Variants in CACNA1A observed in about 807,000 individuals in gnomAD.
CACNA1A encodes the protein voltage-dependent P/Q-type calcium channel subunit alpha-1A.
CACNA1A carries 57 observed loss-of-function variants against 262.4 expected under a neutral mutation model. The ratio of observed to expected loss-of-function variants is 0.22; its 90% CI spans 0.18 to 0.27. The LOEUF is 0.27. Among genes scored for constraint, CACNA1A ranks in the 10% least tolerant of loss-of-function variants. The probability of loss-of-function intolerance (pLI) is 1.00; values close to 1 mark genes in which losing one functional copy is unlikely to be tolerated. For missense variants in CACNA1A, 2,526 were observed against 3,562.8 expected (o/e 0.71, Z 7.41); for synonymous variants, 1,431 against 1,419.3 (o/e 1.01, Z -0.18).
intron 3 of CACNA1A, among the ~76,000 whole-genome samples, chr19:13,442,037 A>G (rs991856000): frequency 6.6e-6 from 1 of 152,134 alleles, no homozygotes; most frequent in Non-Finnish European, 1.5e-5. Context: ...GGAAGAGAAC[A>G]TTTTAGCACA....
chr19:13,322,850 C>G (rs890069889), intron 10 of CACNA1A, among the ~76,000 whole-genome samples: 21 of 152,168 alleles, frequency 1.4e-4, no homozygotes, highest in Non-Finnish European at 2.9e-4. Flanking sequence ...GGATTTAGGA[C>G]CCACCCTAAT....
intron 40 of CACNA1A, among the ~76,000 whole-genome samples, chr19:13,213,030 G>A (rs1464937669): frequency 6.6e-6 from 1 of 152,066 alleles, no homozygotes; most frequent in Non-Finnish European, 1.5e-5. Flanking sequence ...GCCACCAGAG[G>A]GCGCCCATGA....
rs374686479 is a variant in CACNA1A at position 13,308,194 on chromosome 19, G to A, written c.1839C>T (p.Ile613=). ...GGAAAAGGAGAAACAACAGGCTGAT[G>A]ATGGACTTCATGGAGTTGAGGAGAG... ...VVSLLNSMKS[I]ISLLFLLFLF... The change falls in exon 14 of 47, where the codon ATC becomes ATT. Residue 613 remains isoleucine, a synonymous_variant. Coordinates refer to ENST00000360228, the MANE Select transcript of CACNA1A (RefSeq NM_001127222.2). This position sits in a 1 kb window ranked among gnomAD's most constrained non-coding sequence, Gnocchi z 4.2. The A allele has an allele frequency of 2.5e-6, 4 of 1,613,822 alleles. No homozygotes were observed. The African/African-American group carries it at 5.3e-5, about 22-fold the overall frequency.
intron 26 of CACNA1A, 73 bp downstream of exon 26, chr19:13,261,377 C>T (rs1304784817): frequency 7.5e-7 from 1 of 1,341,398 alleles, no homozygotes; most frequent in African/African-American, 1.5e-5. Context: ...CCCAAGTGGC[C>T]AATGCCTCTA....
At chr19:13,310,948 G>A (rs552034207) in intron 12 of CACNA1A, among the ~76,000 whole-genome samples, 3 of 151,952 alleles carry the variant, frequency 2.0e-5, no homozygotes, top group South Asian at 2.1e-4. Context: ...GTGCCACGAC[G>A]CCTGGCTAAT....
chr19:13,260,334 T>TATATATATATATATATA (rs1388256128), intron 26 of CACNA1A: 28 of 128,440 alleles, frequency 2.2e-4, no homozygotes, highest in Admixed American at 1.2e-3. Context: ...ATATATATAT[T>TATATATATATATATATA]TTTGTTGTTG....
intron 3 of CACNA1A, 151 bp downstream of exon 3, chr19:13,452,725 T>C: frequency 4.6e-6 from 3 of 654,236 alleles, no homozygotes; most frequent in Non-Finnish European, 8.2e-6. Context: ...GACATGGAGG[T>C]GGGGTGTTGG....
At chr19:13,310,473 A>T (rs1173533951) in intron 12 of CACNA1A, among the ~76,000 whole-genome samples, 6 of 42,402 alleles carry the variant, frequency 1.4e-4, no homozygotes, top group South Asian at 1.5e-3. Context: ...AAAAAAAAAA[A>T]AAAAAAAAAA....
intron 6 of CACNA1A, among the ~76,000 whole-genome samples, chr19:13,340,472 G>C (rs1450751919): frequency 6.9e-6 from 1 of 145,488 alleles, no homozygotes. Flanking sequence ...TGTCACCCAG[G>C]CTGGAGTGCA....
chr19:13,322,822 A>G (rs780910197), intron 10 of CACNA1A, among the ~76,000 whole-genome samples: 8 of 152,090 alleles, frequency 5.3e-5, no homozygotes, highest in Non-Finnish European at 8.8e-5. Context: ...TTCTCCTCTT[A>G]TAAAGACAGC....
intron 22 of CACNA1A, among the ~76,000 whole-genome samples, chr19:13,279,226 A>T (rs1281960139): frequency 6.6e-6 from 1 of 152,208 alleles, no homozygotes; most frequent in African/African-American, 2.4e-5. Flanking sequence ...TCAAAAGACC[A>T]ATAAATTAGG....
intron 25 of CACNA1A, chr19:13,262,468 C>T: frequency 2.5e-6 from 1 of 398,426 alleles, no homozygotes; most frequent in Non-Finnish European, 4.6e-6. Flanking sequence ...CCATATGATG[C>T]CTTCATGCGA....
Position 13,230,261 on chromosome 19 carries a change from G to T in CACNA1A, c.5401-52C>A. The T allele has an allele frequency of 3.1e-6, 5 of 1,599,360 alleles. No homozygotes were observed. The South Asian group carries it at 5.6e-5, about 18-fold the overall frequency. On this transcript the variant is annotated intron_variant, in intron 35 of 46. Transcript: ENST00000360228. ...GAATGGGGGCAGAGACCGAGGGAAT[G>T]AATGAGTGAGTGAGAAGGATACAGA...
rs539262665 is a variant in CACNA1A, at chr19:13,308,353, C to T, written c.1781+63G>A. 45 of 1,536,634 alleles carry T rather than the reference C, an allele frequency of 2.9e-5. No homozygotes were observed. Among genetic ancestry groups the T allele is most frequent in the Middle Eastern group, 1.9e-4 (1 of 5,292 alleles). On this transcript the variant is annotated intron_variant, in intron 13 of 46. Transcript: ENST00000360228. This position sits in a 1 kb window ranked among gnomAD's most constrained non-coding sequence, Gnocchi z 4.2. Reference sequence around the variant, plus strand: ...GCTCACTTTCCCAACTTTCTGGAGGCGGCCCCACCATGTCCCCCATCCCCA... The same window carrying T: ...GCTCACTTTCCCAACTTTCTGGAGGTGGCCCCACCATGTCCCCCATCCCCA...
intron 1 of CACNA1A, among the ~76,000 whole-genome samples, chr19:13,494,777 G>T (rs1316426742): frequency 4.6e-5 from 7 of 152,048 alleles, no homozygotes; most frequent in African/African-American, 1.7e-4. Context: ...GAGGAAAGAG[G>T]CCCACACAAG....
intron 38 of CACNA1A, among the ~76,000 whole-genome samples, chr19:13,223,280 G>A (rs1042996529): frequency 6.6e-6 from 1 of 152,014 alleles, no homozygotes; most frequent in Admixed American, 6.6e-5. Context: ...TGCAACCTCC[G>A]CCTCCCAGGT....
chr19:13,287,856 G>A lies in CACNA1A; in HGVS notation c.3090-890C>T, dbSNP rs145603306. Among the ~76,000 whole-genome samples, 85 of 149,758 alleles carry A rather than the reference G, an allele frequency of 5.7e-4. 2 individuals carry two copies. Among genetic ancestry groups the A allele is most frequent in the African/African-American group, 1.9e-3 (79 of 40,814 alleles). The stretch of plus-strand genomic sequence containing the variant: ...CTTACTCTGTTGCCCAGGCTGGAGA[G>A]CAGTGGCAGGATCATAGCTTACTGC... On this transcript the variant is annotated intron_variant, in intron 19 of 46. Coordinates refer to ENST00000360228, the MANE Select transcript of CACNA1A (RefSeq NM_001127222.2).
intron 44 of CACNA1A, among the ~76,000 whole-genome samples, chr19:13,209,788 C>T (rs531736336): frequency 1.3e-4 from 20 of 152,308 alleles, no homozygotes; most frequent in African/African-American, 4.3e-4. Flanking sequence ...CTGATCCTCA[C>T]TCTCCAGTCC....
At chr19:13,440,538 C>CA (rs1349294798) in intron 3 of CACNA1A, among the ~76,000 whole-genome samples, 1 of 152,282 alleles carries the variant, frequency 6.6e-6, no homozygotes, top group Admixed American at 6.5e-5. Context: ...ATTAGTCTTA[C>CA]AATAGCTAAT....
Sources: gnomAD v4.1 joint callset for allele counts (sites outside exome capture counted in the v4.1 genomes callset) on GRCh38, gnomAD v4.1.1 for gene constraint, Gnocchi (gnomAD v3.1) non-coding constraint, MANE v1.5 for transcripts, NCBI Gene and HGNC (gene_info 2026-07-23, HGNC 2026-07-21) for gene names.